The following LRRFIP2 variants were observed in gnomAD, a reference collection of about 807,000 sequenced individuals.
LRRFIP2 encodes the protein leucine-rich repeat flightless-interacting protein 2.
A neutral mutation model predicts 125.9 loss-of-function variants in LRRFIP2; 109 were observed. The observed-to-expected ratio is 0.87, with a 90% confidence interval of 0.74 to 1.01. The LOEUF (loss-of-function observed/expected upper bound fraction) is 1.01, where lower values mean the gene tolerates loss of function less well. Among genes scored for constraint, LRRFIP2 ranks in the 50% least tolerant of loss-of-function variants. The pLI is 0.00. For missense variants in LRRFIP2, 850 were observed against 862.3 expected (o/e 0.99, Z 0.18); for synonymous variants, 291 against 293.1 (o/e 0.99, Z 0.07).
intron 1 of LRRFIP2, among the ~76,000 whole-genome samples, chr3:37,153,445 C>T (rs548493536): frequency 6.4e-4 from 97 of 152,004 alleles, no homozygotes; most frequent in African/African-American, 2.1e-3. Context: ...ATAAACTAGT[C>T]CCCAACTGGA....
Position 37,094,803 on chromosome 3 carries a change from T to C in LRRFIP2, c.1024A>G (p.Ser342Gly). 1 of 1,612,432 alleles carries C rather than the reference T, an allele frequency of 6.2e-7. No homozygotes were observed. The highest frequency in any genetic ancestry group is 1.1e-5 in the South Asian group (1 of 91,012). ...SSLIDPDTSLSELRDIYDLKD... is the reference protein window; with the variant it reads ...SSLIDPDTSLGELRDIYDLKD... ...AAACTTCAGTTTACCCGCAATTCAC[T>C]TAATGAAGTGTCTGGATCTATTAAG... Residue 342 changes from serine (S) to glycine (G), a missense_variant, in exon 17 of 28, where the codon AGT becomes GGT. Physicochemically the swap from Ser to Gly is moderately conservative, Grantham distance 56. Transcript: ENST00000336686.
At chr3:37,118,443 C>A (rs2094888434) in intron 6 of LRRFIP2, among the ~76,000 whole-genome samples, 1 of 152,174 alleles carries the variant, frequency 6.6e-6, no homozygotes, top group African/African-American at 2.4e-5. Flanking sequence ...GACCAAGCAG[C>A]TACTAATGTT....
chr3:37,160,728 G>A (rs533928849), intron 1 of LRRFIP2, among the ~76,000 whole-genome samples: 41 of 150,352 alleles, frequency 2.7e-4, no homozygotes, highest in Admixed American at 7.9e-4. Flanking sequence ...ACAGTGAGCC[G>A]AGATCACGCC....
rs1344070067 is a variant in LRRFIP2 at position 37,052,930 on chromosome 3, C to G, written c.*921G>C. 1 of 152,152 alleles carries G rather than the reference C, an allele frequency of 6.6e-6. No homozygotes were observed. The highest frequency in any genetic ancestry group is 1.5e-5 in the Non-Finnish European group (1 of 68,026). The allele number at this position is 152,152 out of a possible 1,614,324, so 9.4% of individuals were successfully genotyped here. On this transcript the variant is annotated 3_prime_UTR_variant, in exon 28 of 28. Transcript: ENST00000336686. ...AGATTGTTTTTCCTTGAGAAGGAGA[C>G]AAAAGAAGAGGGATGTGGTTGCCAT... is the stretch of plus-strand genomic sequence containing the variant.
At chr3:37,114,750 C>T (rs1044166692) in intron 7 of LRRFIP2, among the ~76,000 whole-genome samples, 3 of 151,478 alleles carry the variant, frequency 2.0e-5, no homozygotes, top group African/African-American at 7.3e-5. Context: ...GATTGCACCA[C>T]TGCACTCCAG....
intron 25 of LRRFIP2, among the ~76,000 whole-genome samples, chr3:37,055,924 T>A (rs947719329): frequency 1.3e-5 from 2 of 152,222 alleles, no homozygotes; most frequent in African/African-American, 4.8e-5. Flanking sequence ...CACCTCTGAC[T>A]TGCTTCAAGG....
At chr3:37,077,944 C>A (rs567763728) in intron 19 of LRRFIP2, among the ~76,000 whole-genome samples, 6 of 152,172 alleles carry the variant, frequency 3.9e-5, no homozygotes, top group Non-Finnish European at 2.9e-5. Flanking sequence ...GAGTTTGGTA[C>A]ACAGAGTAGC....
intron 2 of LRRFIP2, chr3:37,135,122 G>C: frequency 8.0e-7 from 1 of 1,256,764 alleles, no homozygotes; most frequent in Non-Finnish European, 1.2e-6. Flanking sequence ...CTTAAAGTCA[G>C]AATAACCTGC....
intron 18 of LRRFIP2, among the ~76,000 whole-genome samples, chr3:37,087,737 C>T (rs1181750988): frequency 2.6e-5 from 4 of 152,064 alleles, no homozygotes; most frequent in East Asian, 1.9e-4. Context: ...TATAGGCTCC[C>T]GCCACCATGC....
intron 25 of LRRFIP2, among the ~76,000 whole-genome samples, chr3:37,057,652 C>T (rs1575742624): frequency 6.6e-6 from 1 of 151,970 alleles, no homozygotes. Flanking sequence ...TGGGTGCGGG[C>T]CACCACGCCT....
rs59647339 is a variant in LRRFIP2, at chr3:37,156,673, CAAAAAAAAAAA to C, written c.-55-7646_-55-7636del. ...TGGGCGACAGAGCGAGACTCAGTATCAAAAAAAAAAAAAAAAAAAAAAAAAAAAAAGAAGTG... is the reference window on the plus strand; with the variant it reads ...TGGGCGACAGAGCGAGACTCAGTATCAAAAAAAAAAAAAAAAAAAGAAGTG... On this transcript the variant is annotated intron_variant, in intron 1 of 27. Transcript: ENST00000336686. 1.4e-3 allele frequency among the ~76,000 whole-genome samples: 43 copies of C among 30,578 alleles called. No individual in the cohort carries two copies. In the East Asian group the frequency reaches 0.062, roughly 44 times the overall value. The allele number at this position is 30,578 out of a possible 152,430, so 20.1% of individuals were successfully genotyped here.
chr3:37,111,483 A>T lies in LRRFIP2; in HGVS notation c.439-418T>A, dbSNP rs376972885. ...ATTACTTGTCAAAATAAACTGACAA[A>T]TTAAGTTACCAAAATGAAAGAGAGA... On this transcript the variant is annotated intron_variant, in intron 8 of 27. Coordinates refer to ENST00000336686, the MANE Select transcript of LRRFIP2 (RefSeq NM_006309.4). Among the ~76,000 whole-genome samples the T allele has an allele frequency of 1.6e-4, 24 of 152,362 alleles. 1 individual carries two copies. In the East Asian group the frequency reaches 4.0e-3, roughly 26 times the overall value.
At chr3:37,164,552 AC>A (rs1353209847) in intron 1 of LRRFIP2, among the ~76,000 whole-genome samples, 3 of 151,948 alleles carry the variant, frequency 2.0e-5, no homozygotes, top group African/African-American at 7.2e-5. Flanking sequence ...ACCCATCTCT[AC>A]TAAAAATACA....
chr3:37,124,392 C>A (rs1329098070), intron 4 of LRRFIP2, among the ~76,000 whole-genome samples: 1 of 152,158 alleles, frequency 6.6e-6, no homozygotes, highest in Non-Finnish European at 1.5e-5. Flanking sequence ...TACTAAGAGC[C>A]TGCTAAGTAG....
chr3:37,060,400 C>T lies in LRRFIP2; in HGVS notation c.1750-1490G>A, dbSNP rs2088253481. 6.6e-6 allele frequency among the ~76,000 whole-genome samples: 1 copy of T among 152,150 alleles called. No individual in the cohort carries two copies. Among genetic ancestry groups the T allele is most frequent in the Non-Finnish European group, 1.5e-5 (1 of 68,016 alleles). ...CTCAGCTCACTGCAACCTCCGCCTC[C>T]CGGGTTCAAGCGATTTTCCTGCCTC... On this transcript the variant is annotated intron_variant, in intron 24 of 27. Transcript: ENST00000336686. The surrounding 1 kb of genome is among the most constrained non-coding windows in gnomAD (Gnocchi z 4.1).
intron 1 of LRRFIP2, among the ~76,000 whole-genome samples, chr3:37,156,322 A>AT (rs1227793108): frequency 2.7e-5 from 4 of 150,714 alleles, no homozygotes; most frequent in South Asian, 2.1e-4. Flanking sequence ...TTTAAAAAAA[A>AT]TTTTTTTTTT....
At chr3:37,100,809 C>A (rs907986316) in intron 15 of LRRFIP2, among the ~76,000 whole-genome samples, 1 of 151,910 alleles carries the variant, frequency 6.6e-6, no homozygotes. Flanking sequence ...ATATAAAGGG[C>A]AATATTTCAG....
intron 6 of LRRFIP2, among the ~76,000 whole-genome samples, chr3:37,116,799 A>AT (rs1216026670): frequency 6.6e-6 from 1 of 152,188 alleles, no homozygotes; most frequent in Admixed American, 6.5e-5. Context: ...AATAAATTCC[A>AT]TAAGTATCAG....
In LRRFIP2 at chr3:37,052,908, T is replaced by C. The variant is rs989911017; in HGVS notation, c.*943A>G. ...GTCTTTAAAAGTTCTACATTCCAGA[T>C]TGTTTTTCCTTGAGAAGGAGACAAA... On this transcript the variant is annotated 3_prime_UTR_variant, in exon 28 of 28. Coordinates refer to ENST00000336686, the MANE Select transcript of LRRFIP2 (RefSeq NM_006309.4). The C allele has an allele frequency of 6.6e-6, 1 of 152,220 alleles. No individual in the cohort carries two copies. Among genetic ancestry groups the C allele is most frequent in the African/African-American group, 2.4e-5 (1 of 41,448 alleles). 9.4% of individuals were successfully genotyped at this position (152,220 alleles called of 1,614,324 possible).
Sources: allele counts gnomAD v4.1 joint callset (sites outside exome capture counted in the v4.1 genomes callset), GRCh38; gene constraint gnomAD v4.1.1; non-coding constraint Gnocchi (gnomAD v3.1); transcripts MANE v1.5; gene names NCBI Gene and HGNC (gene_info 2026-07-23, HGNC 2026-07-21).